Variants in EXOC4 observed in about 807,000 individuals in gnomAD.
EXOC4 encodes the protein exocyst complex component 4, also known as SEC8-like 1.
Under a neutral mutation model 107.2 loss-of-function variants are expected in EXOC4, and 71 were observed. The observed-to-expected ratio is 0.66, with a 90% CI of 0.55 to 0.81. EXOC4 has a LOEUF of 0.81. EXOC4 is among the 30% of genes least tolerant of loss of function. EXOC4 has a pLI of 0.00. For synonymous variants in EXOC4, 456 were observed against 441.2 expected, an observed-to-expected ratio of 1.03 and a Z score of -0.42; for missense variants, 1,108 against 1,189.6, an observed-to-expected ratio of 0.93 and a Z score of 1.01.
At chr7:133,514,900 A>T (rs1219421961) in intron 9 of EXOC4, among the ~76,000 whole-genome samples, 1 of 152,152 alleles carries the variant, frequency 6.6e-6, no homozygotes, top group African/African-American at 2.4e-5. Flanking sequence ...ATTTCATATA[A>T]GGGCATTTTA....
In EXOC4 at chr7:133,710,638, C is replaced by T. The variant is rs1186392403; in HGVS notation, c.1514+80497C>T. 6.0e-5 allele frequency among the ~76,000 whole-genome samples: 8 copies of T among 132,948 alleles called. No homozygotes were observed. The East Asian group carries it at 1.3e-3, about 22-fold the overall frequency. 87.2% of individuals were successfully genotyped at this position (132,948 alleles called of 152,430 possible). The stretch of plus-strand genomic sequence containing the variant: ...TCCCGCCACTGCACTCCAGCCTGGG[C>T]GACAGAGTGAGACTCTGTCTCAGAA... On this transcript the variant is annotated intron_variant, in intron 10 of 17. Transcript: ENST00000253861.
the EXOC4 span, among the ~76,000 whole-genome samples, chr7:134,099,454 A>G: frequency 6.6e-6 from 1 of 151,940 alleles, no homozygotes; most frequent in Non-Finnish European, 1.5e-5. Context: ...GAGCTGAACA[A>G]ACAGGCCTTC....
At chr7:133,987,188 A>G (rs1253560967) in intron 14 of EXOC4, among the ~76,000 whole-genome samples, 1 of 152,098 alleles carries the variant, frequency 6.6e-6, no homozygotes, top group Non-Finnish European at 1.5e-5. Flanking sequence ...GGGCTGGGCA[A>G]GGTTCCTCAC....
intron 10 of EXOC4, among the ~76,000 whole-genome samples, chr7:133,747,265 C>G (rs1795696158): frequency 6.6e-6 from 1 of 152,096 alleles, no homozygotes; most frequent in South Asian, 2.1e-4. Context: ...ATATTAAGAT[C>G]TGTTGTTTAA....
chr7:133,344,670 C>T (rs973501286), intron 5 of EXOC4, among the ~76,000 whole-genome samples: 3 of 152,124 alleles, frequency 2.0e-5, no homozygotes, highest in African/African-American at 2.4e-5. Context: ...AAAAACTGGT[C>T]AAGATTGTGT....
At chr7:133,762,534 A>C (rs1474019404) in intron 10 of EXOC4, among the ~76,000 whole-genome samples, 1 of 152,138 alleles carries the variant, frequency 6.6e-6, no homozygotes, top group Non-Finnish European at 1.5e-5. Context: ...AGTGTTTTTC[A>C]CTGATAGATA....
At chr7:133,334,249 T>C (rs1229375802) in intron 5 of EXOC4, among the ~76,000 whole-genome samples, 1 of 152,212 alleles carries the variant, frequency 6.6e-6, no homozygotes, top group African/African-American at 2.4e-5. Flanking sequence ...ATTCCCAGTT[T>C]CCTTCCTATT....
intron 9 of EXOC4, among the ~76,000 whole-genome samples, chr7:133,602,478 G>C (rs908947842): frequency 2.0e-5 from 3 of 152,188 alleles, no homozygotes; most frequent in African/African-American, 7.2e-5. Context: ...TTTCTTGTCA[G>C]TATCAGTGGC....
chr7:133,573,338 G>A (rs1406030733), intron 9 of EXOC4, among the ~76,000 whole-genome samples: 3 of 152,140 alleles, frequency 2.0e-5, no homozygotes, highest in African/African-American at 4.8e-5. Flanking sequence ...GATCTTTTGG[G>A]CACCAGTGCA....
intron 10 of EXOC4, among the ~76,000 whole-genome samples, chr7:133,795,513 C>A (rs1359289325): frequency 6.6e-6 from 1 of 152,134 alleles, no homozygotes; most frequent in Non-Finnish European, 1.5e-5. Context: ...GGGCTGTATG[C>A]AAAGGACCTG....
intron 7 of EXOC4, among the ~76,000 whole-genome samples, chr7:133,413,892 C>A (rs962835992): frequency 1.3e-5 from 2 of 152,042 alleles, no homozygotes; most frequent in Non-Finnish European, 2.9e-5. Context: ...CTCTGAATAA[C>A]TTTAAAGGGA....
intron 1 of EXOC4, among the ~76,000 whole-genome samples, chr7:133,254,504 C>T (rs1414669725): frequency 6.6e-6 from 1 of 152,150 alleles, no homozygotes; most frequent in Non-Finnish European, 1.5e-5. Context: ...AATACCAGGA[C>T]ATTATTTGGA....
rs11770757 is a variant in EXOC4 at position 134,063,193 on chromosome 7, G to C, written c.2688-1098G>C. On this transcript the variant is annotated intron_variant, in intron 17 of 17. Coordinates refer to ENST00000253861, the MANE Select transcript of EXOC4 (RefSeq NM_021807.4). ...TGCTCTGCACTCCCCAGTCTAACCA[G>C]ATTATTCTTCCATGCCTTTGCTCAT... Among the ~76,000 whole-genome samples the C allele has an allele frequency of 6.6e-3, 1,000 of 152,214 alleles. 11 individuals carry two copies. The highest frequency in any genetic ancestry group is 0.023 in the African/African-American group (941 of 41,538).
chr7:133,369,441 C>T (rs951118400), intron 6 of EXOC4, among the ~76,000 whole-genome samples: 2 of 152,116 alleles, frequency 1.3e-5, no homozygotes, highest in Non-Finnish European at 2.9e-5. Context: ...TCACTGGGGA[C>T]CTTAAGTTGT....
chr7:133,846,650 A>G (rs1379817297), intron 11 of EXOC4, among the ~76,000 whole-genome samples: 1 of 152,268 alleles, frequency 6.6e-6, no homozygotes, highest in Non-Finnish European at 1.5e-5. Flanking sequence ...TTTTTGGGCT[A>G]TGCTGTCTGT....
Position 133,614,752 on chromosome 7 carries a change from G to A in EXOC4, c.1418-15293G>A, listed in dbSNP as rs191295908. Reference sequence around the variant, plus strand: ...ATGGCTTTTGAGGATTTACAAGAGAGCCGATCAAACGAGTCATGAAAGAAT... The same window carrying A: ...ATGGCTTTTGAGGATTTACAAGAGAACCGATCAAACGAGTCATGAAAGAAT... On this transcript the variant is annotated intron_variant, in intron 9 of 17. Transcript: ENST00000253861. Among the ~76,000 whole-genome samples, 9 of 125,240 alleles carry A rather than the reference G, an allele frequency of 7.2e-5. No individual in the cohort carries two copies. The East Asian group carries it at 2.2e-3, about 31-fold the overall frequency. 82.2% of individuals were successfully genotyped at this position (125,240 alleles called of 152,430 possible). A position where few individuals can be genotyped will look rare whatever the true frequency, so the allele number is the denominator to read the frequency against.
rs573084590 is a variant in EXOC4 at position 133,517,567 on chromosome 7, C to T, written c.1417+37429C>T. Reference sequence around the variant, plus strand: ...CAATCATGGCTGAAGGTGAAAGGCACATCTCACATGGCCACAGATGAGAGA... The same window carrying T: ...CAATCATGGCTGAAGGTGAAAGGCATATCTCACATGGCCACAGATGAGAGA... On this transcript the variant is annotated intron_variant, in intron 9 of 17. Transcript: ENST00000253861. Among the ~76,000 whole-genome samples, 27 of 152,220 alleles carry T rather than the reference C, an allele frequency of 1.8e-4. 2 individuals carry two copies. In the South Asian group the frequency reaches 5.0e-3, roughly 28 times the overall value.
intron 7 of EXOC4, among the ~76,000 whole-genome samples, chr7:133,396,775 C>T (rs558782085): frequency 6.6e-6 from 1 of 152,070 alleles, no homozygotes; most frequent in Admixed American, 6.5e-5. Flanking sequence ...CTTCCCACTT[C>T]GAACTGGAAA....
In EXOC4 at chr7:133,713,621, C is replaced by T. The variant is rs139541459; in HGVS notation, c.1514+83480C>T. Among the ~76,000 whole-genome samples, 737 of 152,280 alleles carry T rather than the reference C, an allele frequency of 4.8e-3. 3 individuals carry two copies. The highest frequency in any genetic ancestry group is 0.017 in the Middle Eastern group (5 of 294). ...CCTCTTGGATTGTAATCCTCATAAT[C>T]ACCATGTGTCAAGGGAGAGACCAGG... is the stretch of plus-strand genomic sequence containing the variant. On this transcript the variant is annotated intron_variant, in intron 10 of 17. Transcript: ENST00000253861.
Sources: gnomAD v4.1 joint callset for allele counts (sites outside exome capture counted in the v4.1 genomes callset) on GRCh38, gnomAD v4.1.1 for gene constraint, MANE v1.5 for transcripts, NCBI Gene and HGNC (gene_info 2026-07-23, HGNC 2026-07-21) for gene names.